PPM1H: variants seen among roughly 807,000 people sequenced by gnomAD.
PPM1H encodes protein phosphatase 1H.
A neutral mutation model predicts 54.9 loss-of-function variants in PPM1H; 27 were observed. The ratio of observed to expected loss-of-function variants is 0.49; its 90% CI spans 0.36 to 0.68. The LOEUF is 0.68. PPM1H is among the 30% of genes least tolerant of loss of function. The probability of loss-of-function intolerance (pLI) is 0.00; values close to 1 mark genes in which losing one functional copy is unlikely to be tolerated. For missense variants in PPM1H, 596 were observed against 667.8 expected, an observed-to-expected ratio of 0.89 and a Z score of 1.19; for synonymous variants, 305 against 270.8, an observed-to-expected ratio of 1.13 and a Z score of -1.24.
chr12:62,860,789 G>A (rs370982454), intron 1 of PPM1H, among the ~76,000 whole-genome samples: 8 of 152,160 alleles, frequency 5.3e-5, no homozygotes, highest in African/African-American at 1.7e-4. Flanking sequence ...CCCCTGCTCC[G>A]ATTTACAGCA....
intron 8 of PPM1H, among the ~76,000 whole-genome samples, chr12:62,676,177 A>C (rs1427561890): frequency 6.6e-6 from 1 of 152,206 alleles, no homozygotes; most frequent in Non-Finnish European, 1.5e-5. Context: ...CCATGCTTCA[A>C]GTCATCCCTG....
intron 1 of PPM1H, among the ~76,000 whole-genome samples, chr12:62,895,130 C>T (rs917278804): frequency 6.6e-6 from 1 of 152,146 alleles, no homozygotes; most frequent in Admixed American, 6.5e-5. Context: ...GCAACACCCC[C>T]GTCTATTTAG....
intron 1 of PPM1H, among the ~76,000 whole-genome samples, chr12:62,849,292 T>G (rs1869091192): frequency 6.6e-6 from 1 of 152,224 alleles, no homozygotes; most frequent in African/African-American, 2.4e-5. Flanking sequence ...GAAAAAGGAC[T>G]GAAATAACAC....
chr12:62,667,411 C>T, intron 8 of PPM1H, 82 bp from the exon 9 acceptor site: 2 of 1,252,010 alleles, frequency 1.6e-6, no homozygotes, highest in Admixed American at 2.5e-5. Flanking sequence ...GATTCCCCTT[C>T]CCTTTTCCTG....
At chr12:62,898,024 A>G (rs1033630171) in intron 1 of PPM1H, among the ~76,000 whole-genome samples, 4 of 152,206 alleles carry the variant, frequency 2.6e-5, no homozygotes, top group African/African-American at 7.2e-5. Context: ...TACCAACTGT[A>G]TAGTCCAGCC....
At chr12:62,676,289 G>A (rs1369647139) in intron 8 of PPM1H, among the ~76,000 whole-genome samples, 1 of 152,240 alleles carries the variant, frequency 6.6e-6, no homozygotes, top group Non-Finnish European at 1.5e-5. Context: ...GTGAAGAACA[G>A]CTTATTGATG....
At chr12:62,719,386 G>A (rs1001213766) in intron 6 of PPM1H, among the ~76,000 whole-genome samples, 5 of 152,174 alleles carry the variant, frequency 3.3e-5, no homozygotes, top group African/African-American at 1.2e-4. Context: ...AGACTGGCAG[G>A]AGGCTCGCTC....
intron 8 of PPM1H, among the ~76,000 whole-genome samples, chr12:62,678,968 G>T (rs191396168): frequency 5.4e-4 from 81 of 150,848 alleles, no homozygotes; most frequent in African/African-American, 1.9e-3. Flanking sequence ...ATTACAGGCA[G>T]CAGCTACCAC....
At chr12:62,679,707 A>G (rs2076008080) in intron 8 of PPM1H, among the ~76,000 whole-genome samples, 2 of 152,206 alleles carry the variant, frequency 1.3e-5, no homozygotes, top group South Asian at 4.1e-4. Flanking sequence ...CCTGATTGCA[A>G]CCCGGCTCCT....
At chr12:62,705,332 T>C (rs1466504598) in intron 6 of PPM1H, among the ~76,000 whole-genome samples, 1 of 152,200 alleles carries the variant, frequency 6.6e-6, no homozygotes, top group Non-Finnish European at 1.5e-5. Context: ...GCTCAGGCTT[T>C]GACCAGATAA....
chr12:62,753,456 C>T (rs529632398), intron 4 of PPM1H, among the ~76,000 whole-genome samples: 2 of 152,344 alleles, frequency 1.3e-5, no homozygotes, highest in Admixed American at 1.3e-4. Flanking sequence ...ATGCCCAAAT[C>T]TAACTAAGGG....
At chr12:62,787,172 G>A (rs2076677122) in intron 4 of PPM1H, among the ~76,000 whole-genome samples, 1 of 152,156 alleles carries the variant, frequency 6.6e-6, no homozygotes, top group Non-Finnish European at 1.5e-5. Flanking sequence ...GGAATTGGTG[G>A]TCTGGGCTGC....
chr12:62,902,877 A>G (rs1871199253), intron 1 of PPM1H, among the ~76,000 whole-genome samples: 1 of 152,206 alleles, frequency 6.6e-6, no homozygotes, highest in African/African-American at 2.4e-5. Flanking sequence ...TGTGATTTGA[A>G]ACATCCAGCC....
At chr12:62,729,717 T>C (rs1172346649) in intron 5 of PPM1H, among the ~76,000 whole-genome samples, 2 of 152,244 alleles carry the variant, frequency 1.3e-5, no homozygotes, top group African/African-American at 2.4e-5. Flanking sequence ...TCTGAAATCC[T>C]ACAGGATGCC....
chr12:62,791,525 A>G (rs2120715015), intron 3 of PPM1H, among the ~76,000 whole-genome samples: 1 of 152,306 alleles, frequency 6.6e-6, no homozygotes, highest in Non-Finnish European at 1.5e-5. Flanking sequence ...TCTGCATCCA[A>G]TACATCAAAA....
intron 4 of PPM1H, among the ~76,000 whole-genome samples, chr12:62,752,928 G>A (rs1457192754): frequency 6.6e-6 from 1 of 152,214 alleles, no homozygotes; most frequent in Non-Finnish European, 1.5e-5. Context: ...AGTTGGTCTG[G>A]AGAAGACACT....
chr12:62,843,340 C>G (rs1477972888), intron 1 of PPM1H, among the ~76,000 whole-genome samples: 1 of 152,118 alleles, frequency 6.6e-6, no homozygotes, highest in Non-Finnish European at 1.5e-5. Context: ...AACAAACAAA[C>G]AAAAAACCAC....
At chr12:62,823,566 C>A (rs1235821540) in intron 2 of PPM1H, among the ~76,000 whole-genome samples, 1 of 152,206 alleles carries the variant, frequency 6.6e-6, no homozygotes, top group African/African-American at 2.4e-5. Flanking sequence ...AAGTCAGCTT[C>A]ATCCCTGGGA....
At chr12:62,760,193 T>A (rs1180948525) in intron 4 of PPM1H, among the ~76,000 whole-genome samples, 1 of 152,200 alleles carries the variant, frequency 6.6e-6, no homozygotes, top group East Asian at 1.9e-4. Context: ...AAGATCTAGA[T>A]AATTTTTGTC....
Sources: allele counts gnomAD v4.1 joint callset (sites outside exome capture counted in the v4.1 genomes callset), GRCh38; gene constraint gnomAD v4.1.1; transcripts MANE v1.5; gene names NCBI Gene and HGNC (gene_info 2026-07-23, HGNC 2026-07-21).